Variants in ACACB observed in about 807,000 individuals in gnomAD.
The protein encoded by ACACB is acetyl-CoA carboxylase 2.
A neutral mutation model predicts 278.8 loss-of-function variants in ACACB; 209 were observed. The observed-to-expected ratio is 0.75, with a 90% confidence interval of 0.67 to 0.84. ACACB has a LOEUF of 0.84. Among genes scored for constraint, ACACB ranks in the 40% least tolerant of loss-of-function variants. ACACB has a pLI of 0.00. For missense variants in ACACB, 2,850 were observed against 3,269.0 expected (o/e 0.87, Z 3.13); for synonymous variants, 1,174 against 1,285.6 (o/e 0.91, Z 1.86).
In ACACB at chr12:109,235,639, A is replaced by C. The variant is rs2046611913; in HGVS notation, c.4438A>C (p.Arg1480=). The C allele has an allele frequency of 6.2e-7, 1 of 1,612,622 alleles. No individual in the cohort carries two copies. The highest frequency in any genetic ancestry group is 1.1e-5 in the South Asian group (1 of 90,906). Residue 1480 remains arginine, a synonymous_variant, in exon 33 of 53, where the codon AGA becomes CGA. Transcript: ENST00000338432. The part of the protein sequence containing the change: ...EFPKFFTFRA[R]DEFAEDRIYR... ...TCCCAAGTTTTTCACATTCAGAGCA[A>C]GAGATGAGGTATGGCCAAAAGTAAT...
intron 34 of ACACB, among the ~76,000 whole-genome samples, chr12:109,238,252 T>G (rs1238438350): frequency 6.7e-6 from 1 of 150,222 alleles, no homozygotes; most frequent in African/African-American, 2.4e-5. Context: ...ATATTATTCT[T>G]TAATTGGTCA....
At chr12:109,265,671 C>G in intron 52 of ACACB, 146 bp downstream of exon 52, 1 of 1,024,722 alleles carries the variant, frequency 9.8e-7, no homozygotes, top group Non-Finnish European at 1.4e-6. Flanking sequence ...CGCTCCCCAG[C>G]AAAGAGACCA....
chr12:109,198,886 A>G (rs2045233104), intron 17 of ACACB, among the ~76,000 whole-genome samples: 1 of 151,882 alleles, frequency 6.6e-6, no homozygotes, highest in African/African-American at 2.4e-5. Context: ...TCGGCCTCCC[A>G]AAGAAAGCAT....
At chr12:109,140,110 C>T (rs2043066158) in intron 2 of ACACB, 52 bp downstream of exon 2, 1 of 1,505,676 alleles carries the variant, frequency 6.6e-7, no homozygotes, top group Admixed American at 2.1e-5. Context: ...CAGGTGGGGT[C>T]CACACCCTTC....
At chr12:109,254,473 C>T in intron 44 of ACACB, 139 bp downstream of exon 44, 1 of 875,826 alleles carries the variant, frequency 1.1e-6, no homozygotes, top group Non-Finnish European at 1.7e-6. Context: ...TACCTGAAAT[C>T]AAATGCAGGG....
chr12:109,259,343 C>T (rs1370979474), intron 47 of ACACB, among the ~76,000 whole-genome samples: 1 of 152,066 alleles, frequency 6.6e-6, no homozygotes, highest in East Asian at 1.9e-4. Flanking sequence ...GAGGCCAAGG[C>T]AGAAAGATCA....
rs771398048 is a variant in ACACB, at chr12:109,258,983, A to AAC, written c.6371_6372insAC (p.Ala2125ArgfsTer28). 6.8e-6 allele frequency: 11 copies of AAC among 1,614,052 alleles called. No individual in the cohort carries two copies. Among genetic ancestry groups the AAC allele is most frequent in the Non-Finnish European group, 8.5e-6 (10 of 1,180,014 alleles). On this transcript the variant is annotated frameshift_variant, in exon 47 of 53. Coordinates refer to ENST00000338432, the MANE Select transcript of ACACB (RefSeq NM_001093.4). LOFTEE classifies it high-confidence loss of function. ...AGCTCTGTGTTCCAGATAATTCAGC[A>AAC]GGCAGGACAGGTGTGGTTCCCAGAC... is the stretch of plus-strand genomic sequence containing the variant.
chr12:109,187,923 C>A, intron 12 of ACACB, 76 bp from the exon 13 acceptor site: 2 of 1,526,150 alleles, frequency 1.3e-6, no homozygotes, highest in African/African-American at 1.4e-5. Context: ...CTTGGGTTTT[C>A]CCAGGACTGA....
intron 26 of ACACB, 24 bp downstream of exon 26, chr12:109,222,936 C>T: frequency 6.4e-7 from 1 of 1,555,036 alleles, no homozygotes; most frequent in African/African-American, 1.4e-5. Flanking sequence ...CTTCCTTTCA[C>T]CATCTGCAGA....
Position 109,176,727 on chromosome 12 carries a change from G to C in ACACB, c.1437+464G>C, listed in dbSNP as rs569923292. Among the ~76,000 whole-genome samples the C allele has an allele frequency of 2.0e-5, 3 of 152,198 alleles. No individual in the cohort carries two copies. The South Asian group carries it at 6.2e-4, about 32-fold the overall frequency. ...TGCCTTCCAGGTTCAAACAATTCTA[G>C]TGCCTCAGCCTCCTGAGTAGCTGGG... On this transcript the variant is annotated intron_variant, in intron 9 of 52. Transcript: ENST00000338432.
At chr12:109,240,195 C>CT (rs2046754930) in intron 35 of ACACB, among the ~76,000 whole-genome samples, 1 of 152,244 alleles carries the variant, frequency 6.6e-6, no homozygotes, top group South Asian at 2.1e-4. Flanking sequence ...GAATGCTTTA[C>CT]TTTAAGGATG....
At position 109,204,271 on chromosome 12, in the gene ACACB, CTT is replaced by C. The variant is rs58720572; in HGVS notation, c.2914-2420_2914-2419del. Among the ~76,000 whole-genome samples the C allele has an allele frequency of 4.9e-3, 453 of 93,130 alleles. 1 individual carries two copies. Among genetic ancestry groups the C allele is most frequent in the African/African-American group, 0.011 (260 of 23,782 alleles). 61.1% of individuals were successfully genotyped at this position (93,130 alleles called of 152,430 possible). A position where few individuals can be genotyped will look rare whatever the true frequency, so the allele number is the denominator to read the frequency against. On this transcript the variant is annotated intron_variant, in intron 19 of 52. Transcript: ENST00000338432. ...CCCTGTTGTGCTATCAATACTATAT[CTT>C]TTTTTTTTTTTTTTTTTTGAGATGG...
intron 21 of ACACB, among the ~76,000 whole-genome samples, chr12:109,211,906 T>G (rs941324765): frequency 1.3e-5 from 2 of 152,202 alleles, no homozygotes; most frequent in South Asian, 4.1e-4. Flanking sequence ...TCCAGGTTTT[T>G]TTTTCTTTAA....
chr12:109,210,224 T>C (rs1318646548), intron 21 of ACACB, among the ~76,000 whole-genome samples: 2 of 37,738 alleles, frequency 5.3e-5, no homozygotes, highest in Non-Finnish European at 8.7e-5. Flanking sequence ...TACACACATG[T>C]GTGTATATGT....
At chr12:109,123,730 C>T (rs574275904) in intron 1 of ACACB, among the ~76,000 whole-genome samples, 1 of 79,678 alleles carries the variant, frequency 1.3e-5, no homozygotes, top group Non-Finnish European at 2.5e-5. Flanking sequence ...CTCTGTCGCC[C>T]AGGCTGGAGT....
chr12:109,185,760 G>A lies in ACACB; in HGVS notation c.1980+20G>A. On this transcript the variant is annotated intron_variant, in intron 12 of 52. Coordinates refer to ENST00000338432, the MANE Select transcript of ACACB (RefSeq NM_001093.4). The stretch of plus-strand genomic sequence containing the variant: ...GACGAGGCAAGTTATGGGGGCCCCT[G>A]TGTTTCCACCATCTCAGATCTCCCA... 6.3e-7 allele frequency: 1 copy of A among 1,596,830 alleles called. No individual in the cohort carries two copies. The highest frequency in any genetic ancestry group is 8.6e-7 in the Non-Finnish European group (1 of 1,169,580).
At position 109,201,641 on chromosome 12, in the gene ACACB, G is replaced by A. The variant is rs773870811; in HGVS notation, c.2853G>A (p.Val951=). 1.1e-5 allele frequency: 18 copies of A among 1,614,180 alleles called. No homozygotes were observed. The highest frequency in any genetic ancestry group is 1.3e-5 in the Non-Finnish European group (15 of 1,180,034). The change falls in exon 19 of 53, where the codon GTG becomes GTA. Residue 951 remains valine, a synonymous_variant. Coordinates refer to ENST00000338432, the MANE Select transcript of ACACB (RefSeq NM_001093.4). ...RVKYIKRPGA[V]LEAGCVVARL... Reference sequence around the variant, plus strand: ...AGTACATCAAGCGTCCAGGTGCCGTGCTGGAAGCAGGCTGCGTGGTGGCCA... The same window carrying A: ...AGTACATCAAGCGTCCAGGTGCCGTACTGGAAGCAGGCTGCGTGGTGGCCA...
intron 19 of ACACB, among the ~76,000 whole-genome samples, chr12:109,206,290 T>A (rs1352624061): frequency 6.6e-6 from 1 of 151,900 alleles, no homozygotes; most frequent in African/African-American, 2.4e-5. Context: ...AAAAATTAGC[T>A]GGGCGTGGTG....
At chr12:109,160,350 T>C (rs1327912846) in intron 2 of ACACB, among the ~76,000 whole-genome samples, 3 of 152,100 alleles carry the variant, frequency 2.0e-5, no homozygotes, top group African/African-American at 7.2e-5. Context: ...GAACCTCGGT[T>C]TCCTCATCGT....
Sources: gnomAD v4.1 joint callset for allele counts (sites outside exome capture counted in the v4.1 genomes callset) on GRCh38, gnomAD v4.1.1 for gene constraint, MANE v1.5 for transcripts, NCBI Gene and HGNC (gene_info 2026-07-23, HGNC 2026-07-21) for gene names.